WWOX: variants seen among roughly 807,000 people sequenced by gnomAD.
The protein encoded by WWOX is WW domain containing oxidoreductase.
WWOX carries 69 observed loss-of-function variants against 46.2 expected under a neutral mutation model. The observed-to-expected ratio is 1.49, with a 90% CI of 1.23 to 1.82. The LOEUF (loss-of-function observed/expected upper bound fraction) is 1.82, where lower values mean the gene tolerates loss of function less well. WWOX is among the 40% of genes most tolerant of loss of function. The pLI, the probability that WWOX is intolerant of heterozygous loss-of-function variation, is 0.00. For missense variants in WWOX, 919 were observed against 542.6 expected, an observed-to-expected ratio of 1.69 and a Z score of -6.89; for synonymous variants, 359 against 202.6, an observed-to-expected ratio of 1.77 and a Z score of -6.56.
intron 5 of WWOX, among the ~76,000 whole-genome samples, chr16:78,171,751 T>C (rs1380965252): frequency 1.3e-5 from 2 of 152,198 alleles, no homozygotes; most frequent in African/African-American, 4.8e-5. Flanking sequence ...TATTGGATTT[T>C]CAATAAATAA....
chr16:78,807,539 C>T (rs771152794), intron 8 of WWOX, among the ~76,000 whole-genome samples: 6 of 152,180 alleles, frequency 3.9e-5, no homozygotes, highest in African/African-American at 7.2e-5. Context: ...TTCTAATTAA[C>T]GACAGTGGCT....
chr16:78,593,523 A>G (rs1008501834), intron 8 of WWOX, among the ~76,000 whole-genome samples: 3 of 152,232 alleles, frequency 2.0e-5, no homozygotes, highest in Admixed American at 6.5e-5. Flanking sequence ...GACCAGTCAC[A>G]GTTCCTGATT....
At chr16:78,911,672 C>T (rs2045115055) in intron 8 of WWOX, among the ~76,000 whole-genome samples, 2 of 151,952 alleles carry the variant, frequency 1.3e-5, no homozygotes, top group African/African-American at 2.4e-5. Flanking sequence ...TTGAGACCAG[C>T]CTGGCCAACA....
At chr16:79,024,149 G>T (rs550846240) in intron 8 of WWOX, among the ~76,000 whole-genome samples, 1 of 152,300 alleles carries the variant, frequency 6.6e-6, no homozygotes, top group African/African-American at 2.4e-5. Flanking sequence ...TTCTTTTGGG[G>T]TTGGTTAAAT....
intron 8 of WWOX, among the ~76,000 whole-genome samples, chr16:78,688,011 C>T (rs181879926): frequency 4.6e-5 from 7 of 151,926 alleles, no homozygotes; most frequent in Admixed American, 1.3e-4. Flanking sequence ...CAATTGCTGC[C>T]GAAACAGGAG....
intron 8 of WWOX, among the ~76,000 whole-genome samples, chr16:78,834,349 C>A (rs939046996): frequency 6.6e-6 from 1 of 152,112 alleles, no homozygotes; most frequent in East Asian, 1.9e-4. Context: ...AAGTGAGCTA[C>A]GGGAAAGTTT....
At chr16:78,360,924 G>T (rs142285867) in intron 5 of WWOX, among the ~76,000 whole-genome samples, 2 of 151,848 alleles carry the variant, frequency 1.3e-5, no homozygotes, top group Non-Finnish European at 2.9e-5. Flanking sequence ...AGGCTCAAGC[G>T]ATCCTCCCAC....
At chr16:78,710,853 G>A (rs1301363326) in intron 8 of WWOX, among the ~76,000 whole-genome samples, 1 of 152,000 alleles carries the variant, frequency 6.6e-6, no homozygotes. Flanking sequence ...CTGAGCTCAA[G>A]CGATCCTACT....
chr16:78,448,857 G>A (rs746691959), intron 8 of WWOX, among the ~76,000 whole-genome samples: 7 of 152,188 alleles, frequency 4.6e-5, no homozygotes, highest in East Asian at 1.9e-4. Flanking sequence ...CTGTCTTGGC[G>A]CTGGTGAGGG....
At chr16:79,208,116 AT>A (rs2051580529) in intron 8 of WWOX, among the ~76,000 whole-genome samples, 1 of 152,212 alleles carries the variant, frequency 6.6e-6, no homozygotes, top group African/African-American at 2.4e-5. Flanking sequence ...GATACTCTTA[AT>A]CCCAAACAAG....
At chr16:78,273,059 T>G (rs1020178675) in intron 5 of WWOX, among the ~76,000 whole-genome samples, 1 of 152,254 alleles carries the variant, frequency 6.6e-6, no homozygotes, top group Non-Finnish European at 1.5e-5. Flanking sequence ...TCATCATTCC[T>G]TCATTTCCAC....
intron 8 of WWOX, among the ~76,000 whole-genome samples, chr16:78,454,338 A>C (rs373665014): frequency 1.6e-4 from 21 of 131,992 alleles, no homozygotes; most frequent in African/African-American, 6.4e-4. Flanking sequence ...AACCCAATAC[A>C]TTTATACTTA....
At chr16:78,724,421 A>C (rs996979656) in intron 8 of WWOX, among the ~76,000 whole-genome samples, 5 of 152,332 alleles carry the variant, frequency 3.3e-5, no homozygotes, top group African/African-American at 1.2e-4. Flanking sequence ...AGAAGAAGTT[A>C]AGGTAAATGG....
chr16:78,109,575 A>G (rs2032365359), intron 2 of WWOX, among the ~76,000 whole-genome samples: 1 of 152,178 alleles, frequency 6.6e-6, no homozygotes, highest in South Asian at 2.1e-4. Flanking sequence ...AACAAGAGGC[A>G]AAAATGTGGA....
chr16:78,792,286 G>A (rs925548915), intron 8 of WWOX, among the ~76,000 whole-genome samples: 1 of 152,164 alleles, frequency 6.6e-6, no homozygotes, highest in African/African-American at 2.4e-5. Flanking sequence ...ATCTAGGCTG[G>A]ACTTGGCTGG....
chr16:78,189,113 G>T (rs1256976555), intron 5 of WWOX, among the ~76,000 whole-genome samples: 2 of 152,176 alleles, frequency 1.3e-5, no homozygotes, highest in South Asian at 4.1e-4. Flanking sequence ...CTGGAGGGTA[G>T]AGTTGCAAGA....
At chr16:78,681,554 A>T (rs2047729933) in intron 8 of WWOX, among the ~76,000 whole-genome samples, 1 of 151,846 alleles carries the variant, frequency 6.6e-6, no homozygotes, top group African/African-American at 2.4e-5. Context: ...TACAAAAAAA[A>T]AAAAAGGAAA....
chr16:78,497,539 A>G (rs77645485), intron 8 of WWOX, among the ~76,000 whole-genome samples: 1 of 151,976 alleles, frequency 6.6e-6, no homozygotes, highest in Admixed American at 6.5e-5. Flanking sequence ...ATCCTACAGA[A>G]AGAGAATATT....
chr16:78,230,423 T>G (rs922622794), intron 5 of WWOX, among the ~76,000 whole-genome samples: 1 of 152,214 alleles, frequency 6.6e-6, no homozygotes. Flanking sequence ...GATTGGGCCA[T>G]GTTCATGCAG....
Sources: allele counts gnomAD v4.1 joint callset (sites outside exome capture counted in the v4.1 genomes callset), GRCh38; gene constraint gnomAD v4.1.1; transcripts MANE v1.5; gene names NCBI Gene and HGNC (gene_info 2026-07-23, HGNC 2026-07-21).